PPP1R42: variants seen among roughly 807,000 people sequenced by gnomAD.
PPP1R42 encodes the protein leucine rich repeat containing 67.
In PPP1R42, 34 loss-of-function variants were observed where a neutral mutation model predicts 31.0. The observed-to-expected ratio is 1.10, with a 90% CI of 0.83 to 1.46. PPP1R42 has a LOEUF of 1.46. PPP1R42 is among the 40% of genes most tolerant of loss of function. The probability of loss-of-function intolerance (pLI) is 0.00; values close to 1 mark genes in which losing one functional copy is unlikely to be tolerated. For synonymous variants in PPP1R42, 103 were observed against 109.8 expected (o/e 0.94, Z 0.39); for missense variants, 268 against 303.0 (o/e 0.88, Z 0.86).
At position 67,010,589 on chromosome 8, in the gene PPP1R42, T is replaced by G. The variant is rs1403720958; in HGVS notation, c.552+126A>C. The G allele has an allele frequency of 4.4e-6, 3 of 683,800 alleles. No homozygotes were observed. The African/African-American group carries it at 5.5e-5, about 12-fold the overall frequency. The allele number at this position is 683,800 out of a possible 1,614,324, so 42.4% of individuals were successfully genotyped here. ...AATACATTGAGAAGTAGGGATTCAT[T>G]AGCTAATTTTAGAACAAATCCAGAG... On this transcript the variant is annotated intron_variant, in intron 5 of 7. Transcript: ENST00000685739.
intron 5 of PPP1R42, among the ~76,000 whole-genome samples, chr8:66,991,609 C>T (rs1815191082): frequency 6.6e-6 from 1 of 152,192 alleles, no homozygotes; most frequent in African/African-American, 2.4e-5. Context: ...TTTGATTTCA[C>T]ACTTTCTCTT....
At chr8:66,989,154 TTTATA>T (rs1444049903) in intron 5 of PPP1R42, among the ~76,000 whole-genome samples, 2 of 152,160 alleles carry the variant, frequency 1.3e-5, no homozygotes, top group Non-Finnish European at 2.9e-5. Context: ...ACAATTTTGT[TTTATA>T]TTATATCATA....
intron 2 of PPP1R42, 103 bp downstream of exon 2, chr8:67,017,516 G>T: frequency 6.7e-6 from 4 of 597,358 alleles, no homozygotes; most frequent in Non-Finnish European, 7.6e-6. Context: ...AAGTTAATAA[G>T]AATAATGAAA....
chr8:66,991,772 A>G (rs933057686), intron 5 of PPP1R42, among the ~76,000 whole-genome samples: 2 of 151,802 alleles, frequency 1.3e-5, no homozygotes, highest in African/African-American at 2.4e-5. Context: ...AGTTTATTTT[A>G]TCTCTTACCT....
rs540351576 is a variant in PPP1R42 at position 66,979,816 on chromosome 8, T to A, written c.802+2233A>T. Among the ~76,000 whole-genome samples the A allele has an allele frequency of 3.9e-3, 587 of 152,308 alleles. 3 individuals carry two copies. The highest frequency in any genetic ancestry group is 0.013 in the African/African-American group (557 of 41,558). On this transcript the variant is annotated intron_variant, in intron 7 of 7. Coordinates refer to ENST00000685739, the MANE Select transcript of PPP1R42 (RefSeq NM_001364910.1). ...CTTTGGTTAGTAGACTATAATTTTT[T>A]TAAGTTGTAAATTTAAAGACATATT... is the stretch of plus-strand genomic sequence containing the variant.
At chr8:66,979,200 C>G (rs1814758766) in intron 7 of PPP1R42, among the ~76,000 whole-genome samples, 1 of 152,114 alleles carries the variant, frequency 6.6e-6, no homozygotes, top group African/African-American at 2.4e-5. Flanking sequence ...ATATTTAGGT[C>G]TTTGATCCAT....
chr8:66,980,889 C>A (rs560216748), intron 7 of PPP1R42, among the ~76,000 whole-genome samples: 1 of 151,986 alleles, frequency 6.6e-6, no homozygotes, highest in East Asian at 1.9e-4. Context: ...GTCGCCCAGG[C>A]TGGAGTGCAA....
chr8:66,980,431 G>GT (rs1814793120), intron 7 of PPP1R42, among the ~76,000 whole-genome samples: 1 of 151,952 alleles, frequency 6.6e-6, no homozygotes, highest in Non-Finnish European at 1.5e-5. Flanking sequence ...GTTTCACTGT[G>GT]TTCCCCAAGC....
chr8:66,977,668 G>T lies in PPP1R42; in HGVS notation c.802+4381C>A, dbSNP rs535654561. On this transcript the variant is annotated intron_variant, in intron 7 of 7. Coordinates refer to ENST00000685739, the MANE Select transcript of PPP1R42 (RefSeq NM_001364910.1). ...CTACAGGTGTGCACCACCATGCCCGGCTAATTTTTGTATTTTTAGTAGAGA... is the reference window on the plus strand; with the variant it reads ...CTACAGGTGTGCACCACCATGCCCGTCTAATTTTTGTATTTTTAGTAGAGA... Among the ~76,000 whole-genome samples, 3 of 151,946 alleles carry T rather than the reference G, an allele frequency of 2.0e-5. No homozygotes were observed. The East Asian group carries it at 5.8e-4, about 30-fold the overall frequency.
In PPP1R42 at chr8:67,017,802, G is replaced by T. The variant is rs1349411139; in HGVS notation, c.-55C>A. ...AAGCTCTGTTTTGACACCATGTCAAGAAGTAGGTTTAGGTATTATTTCCAA... is the reference window on the plus strand; with the variant it reads ...AAGCTCTGTTTTGACACCATGTCAATAAGTAGGTTTAGGTATTATTTCCAA... On this transcript the variant is annotated 5_prime_UTR_variant, in exon 2 of 8. Transcript: ENST00000685739. 2 of 1,509,702 alleles carry T rather than the reference G, an allele frequency of 1.3e-6. No individual in the cohort carries two copies. Among genetic ancestry groups the T allele is most frequent in the Non-Finnish European group, 8.8e-7 (1 of 1,133,018 alleles). 93.5% of individuals were successfully genotyped at this position (1,509,702 alleles called of 1,614,324 possible).
chr8:66,971,222 A>G (rs1814530228), intron 7 of PPP1R42: 1 of 1,025,540 alleles, frequency 9.8e-7, no homozygotes, highest in Middle Eastern at 3.4e-4. Context: ...ATATTAGATT[A>G]TCTAAAAATT....
chr8:67,008,638 G>T (rs1815754424), intron 5 of PPP1R42, among the ~76,000 whole-genome samples: 2 of 151,380 alleles, frequency 1.3e-5, no homozygotes, highest in African/African-American at 4.9e-5. Context: ...AACCAAGGTG[G>T]TGAAGGTGGC....
In PPP1R42 at chr8:66,988,418, A is replaced by G. The variant is rs141276722; in HGVS notation, c.652T>C (p.Leu218=). The change falls in exon 6 of 8, where the codon TTG becomes CTG. Residue 218 remains leucine, a synonymous_variant. Coordinates refer to ENST00000685739, the MANE Select transcript of PPP1R42 (RefSeq NM_001364910.1). ...TATGTACCCAGTGATTTGGACACCA[A>G]TATCAGTCTGTCCCTGTATTTTGGT... ...LKPKYRDRLI[L]VSKSLEFLDG... 2.0e-5 allele frequency: 31 copies of G among 1,577,676 alleles called. No homozygotes were observed. The highest frequency in any genetic ancestry group is 2.5e-5 in the Non-Finnish European group (29 of 1,160,010).
At chr8:66,977,053 A>G (rs76490465) in intron 7 of PPP1R42, among the ~76,000 whole-genome samples, 1 of 129,338 alleles carries the variant, frequency 7.7e-6, no homozygotes, top group Non-Finnish European at 1.6e-5. Flanking sequence ...TTTTTTTTTT[A>G]GACGTAGTCT....
intron 7 of PPP1R42, chr8:66,970,778 A>T: frequency 1.8e-6 from 1 of 569,270 alleles, no homozygotes; most frequent in Non-Finnish European, 3.3e-6. Context: ...TTCTGGAAAC[A>T]CCCCTTCCCA....
intron 5 of PPP1R42, among the ~76,000 whole-genome samples, chr8:66,999,216 C>G (rs1815415817): frequency 6.6e-6 from 1 of 151,826 alleles, no homozygotes; most frequent in Non-Finnish European, 1.5e-5. Context: ...CACCACCATG[C>G]CTGGCTAATT....
chr8:67,003,750 C>G (rs1033436613), intron 5 of PPP1R42, among the ~76,000 whole-genome samples: 2 of 152,044 alleles, frequency 1.3e-5, no homozygotes, highest in African/African-American at 2.4e-5. Context: ...CCTTATTCTT[C>G]CTGGACATAT....
chr8:66,998,967 GTTC>G (rs1815408180), intron 5 of PPP1R42, among the ~76,000 whole-genome samples: 2 of 152,028 alleles, frequency 1.3e-5, no homozygotes, highest in Non-Finnish European at 2.9e-5. Context: ...TTGCTTCTCT[GTTC>G]ATAGGGTATA....
intron 7 of PPP1R42, among the ~76,000 whole-genome samples, chr8:66,970,415 C>T (rs559127430): frequency 2.8e-4 from 43 of 152,178 alleles, no homozygotes; most frequent in African/African-American, 1.0e-3. Context: ...AGATTATAGG[C>T]GTGAACCATT....
Sources: gnomAD v4.1 joint callset for allele counts (sites outside exome capture counted in the v4.1 genomes callset) on GRCh38, gnomAD v4.1.1 for gene constraint, MANE v1.5 for transcripts, NCBI Gene and HGNC (gene_info 2026-07-23, HGNC 2026-07-21) for gene names.